The following METTL6 variants were observed in gnomAD, a reference collection of about 807,000 sequenced individuals.
The protein encoded by METTL6 is methyltransferase 6, tRNA N3-cytidine, also known as tRNA N(3)-cytidine methyltransferase METTL6.
In METTL6, 22 loss-of-function variants were observed where a neutral mutation model predicts 26.4. The observed-to-expected ratio is 0.83, with a 90% CI of 0.59 to 1.19. METTL6 has a LOEUF of 1.19. Among genes scored for constraint, METTL6 ranks in the 50% most tolerant of loss-of-function variants. The pLI is 0.00. For missense variants in METTL6, 304 were observed against 324.8 expected (o/e 0.94, Z 0.49); for synonymous variants, 109 against 116.2 (o/e 0.94, Z 0.40).
downstream of METTL6, among the ~76,000 whole-genome samples, chr3:15,406,587 TA>T (rs1203591344): frequency 0.016 from 48 of 3,020 alleles, 1 homozygote; most frequent in Non-Finnish European, 0.027. Context: ...AACAAACAGT[TA>T]TATATATATA....
rs1198753880 is a variant in METTL6, at chr3:15,415,840, TAAC to T, written c.460_462del (p.Val154del). 1.1e-5 allele frequency: 18 copies of T among 1,614,056 alleles called. No individual in the cohort carries two copies. The highest frequency in any genetic ancestry group is 1.4e-5 in the Non-Finnish European group (17 of 1,180,044). On this transcript the variant is annotated inframe_deletion, in exon 4 of 6. Coordinates refer to ENST00000383790, the MANE Select transcript of METTL6 (RefSeq NM_152396.4). Reference sequence around the variant, plus strand: ...ACAGCTGACAGCACAAATATCAACATAACAACATCCACAGACTCTGGCGGTACA... The same window carrying T: ...ACAGCTGACAGCACAAATATCAACATAACATCCACAGACTCTGGCGGTACA...
intron 6 of METTL6, among the ~76,000 whole-genome samples, chr3:15,386,362 G>A (rs750614531): frequency 3.3e-5 from 5 of 152,186 alleles, no homozygotes; most frequent in Non-Finnish European, 7.3e-5. Flanking sequence ...AGGGGCAGAA[G>A]CAGGTTTAAG....
chr3:15,398,197 A>ATT (rs113613716), intron 6 of METTL6, among the ~76,000 whole-genome samples: 17 of 146,394 alleles, frequency 1.2e-4, no homozygotes, highest in South Asian at 2.2e-4. Flanking sequence ...CAATGCTGAG[A>ATT]TTTTTTTTTT....
rs757919716 is a variant in METTL6, at chr3:15,424,991, G to A, written c.324C>T (p.Ala108=). 6.2e-7 allele frequency: 1 copy of A among 1,614,172 alleles called. No homozygotes were observed. Among genetic ancestry groups the A allele is most frequent in the South Asian group, 1.1e-5 (1 of 91,078 alleles). ...CAATGGCTCTTGGAGAAAAATCACA[G>A]GCATAGGCAAAGATATTCGGATCTT... is the stretch of plus-strand genomic sequence containing the variant. ...LEEDPNIFAY[A]CDFSPRAIEY... The change falls in exon 3 of 6, where the codon GCC becomes GCT. Residue 108 remains alanine, a synonymous_variant. Transcript: ENST00000383790.
At chr3:15,421,643 C>T (rs2061613777) in intron 3 of METTL6, among the ~76,000 whole-genome samples, 1 of 152,116 alleles carries the variant, frequency 6.6e-6, no homozygotes, top group South Asian at 2.1e-4. Flanking sequence ...TGGCCAGGTG[C>T]GGTGGCTTAT....
intron 3 of METTL6, among the ~76,000 whole-genome samples, chr3:15,420,011 G>A (rs190564218): frequency 2.6e-5 from 4 of 151,926 alleles, no homozygotes; most frequent in Admixed American, 2.0e-4. Flanking sequence ...ACAGGCGCCC[G>A]CCACCATGCC....
intron 3 of METTL6, among the ~76,000 whole-genome samples, chr3:15,422,667 A>G (rs1351588217): frequency 6.6e-6 from 1 of 152,148 alleles, no homozygotes; most frequent in African/African-American, 2.4e-5. Flanking sequence ...AAAAAGTTTA[A>G]ATTTTAAAAA....
intron 4 of METTL6, chr3:15,415,043 A>AAAACAAACAAAC (rs35827445): frequency 9.2e-6 from 7 of 759,120 alleles, no homozygotes; most frequent in East Asian, 1.0e-4. Flanking sequence ...GTCTCTTAAA[A>AAAACAAACAAAC]AAACAAACAA....
chr3:15,387,900 C>T (rs1052244211), intron 6 of METTL6, among the ~76,000 whole-genome samples: 3 of 151,624 alleles, frequency 2.0e-5, no homozygotes, highest in African/African-American at 7.3e-5. Context: ...GCAGCCTTGA[C>T]CTACTGGGCT....
intron 6 of METTL6, among the ~76,000 whole-genome samples, chr3:15,400,825 C>A (rs1699619886): frequency 6.6e-6 from 1 of 152,106 alleles, no homozygotes. Flanking sequence ...GAAGTTTTTT[C>A]CCCCATATAG....
At chr3:15,389,896 C>A (rs6807874) in intron 6 of METTL6, among the ~76,000 whole-genome samples, 10,755 of 148,484 alleles carry the variant, frequency 0.072, 482 homozygotes, top group African/African-American at 0.12. Context: ...TACTCTGTCA[C>A]CCAGGCTAGA....
chr3:15,392,445 TTGCC>T (rs879805232), intron 6 of METTL6, among the ~76,000 whole-genome samples: 64 of 152,310 alleles, frequency 4.2e-4, no homozygotes, highest in Non-Finnish European at 8.5e-4. Flanking sequence ...ATTCTGTAGG[TTGCC>T]TGTTCACTCT....
At chr3:15,396,077 T>A (rs1341494062) in intron 6 of METTL6, among the ~76,000 whole-genome samples, 1 of 152,222 alleles carries the variant, frequency 6.6e-6, no homozygotes, top group Non-Finnish European at 1.5e-5. Context: ...CTGGATAATA[T>A]CCTGCAGAGT....
intron 4 of METTL6, chr3:15,414,748 C>T: frequency 2.4e-6 from 1 of 420,194 alleles, no homozygotes; most frequent in Non-Finnish European, 4.7e-6. Context: ...TATAGTGAGA[C>T]CCCATCTCTA....
At chr3:15,398,585 C>T (rs1333978593) in intron 6 of METTL6, among the ~76,000 whole-genome samples, 2 of 152,184 alleles carry the variant, frequency 1.3e-5, no homozygotes, top group Non-Finnish European at 2.9e-5. Context: ...CCATGGCTCA[C>T]ACCTGTAATC....
intron 3 of METTL6, among the ~76,000 whole-genome samples, chr3:15,416,723 T>C (rs1017342291): frequency 3.9e-5 from 6 of 152,232 alleles, no homozygotes; most frequent in Admixed American, 1.3e-4. Context: ...TACAAATGTG[T>C]TCCTGGTACA....
downstream of METTL6, among the ~76,000 whole-genome samples, chr3:15,405,189 T>C (rs1470768937): frequency 6.6e-6 from 1 of 152,216 alleles, no homozygotes; most frequent in Non-Finnish European, 1.5e-5. Context: ...GGACCCTTCA[T>C]TGGTGTCCAG....
At chr3:15,407,105 C>A (rs1011550020), downstream of METTL6, among the ~76,000 whole-genome samples, 4 of 152,146 alleles carry the variant, frequency 2.6e-5, no homozygotes, top group Non-Finnish European at 2.9e-5. Context: ...CAACCTCCAC[C>A]TCCCGGGTTC....
In METTL6 at chr3:15,411,230, G is replaced by A. The variant is rs1699951378; in HGVS notation, c.*26C>T. 6.3e-7 allele frequency: 1 copy of A among 1,588,988 alleles called. No homozygotes were observed. Among genetic ancestry groups the A allele is most frequent in the Non-Finnish European group, 8.5e-7 (1 of 1,170,254 alleles). ...TTTTAAATTTTCCTCTTCAAGGGAA[G>A]GTATAAATGCCAACCTCATGAAAGG... is the stretch of plus-strand genomic sequence containing the variant. On this transcript the variant is annotated 3_prime_UTR_variant, in exon 6 of 6. Transcript: ENST00000383790.
Sources: allele counts gnomAD v4.1 joint callset (sites outside exome capture counted in the v4.1 genomes callset), GRCh38; gene constraint gnomAD v4.1.1; transcripts MANE v1.5; gene names NCBI Gene and HGNC (gene_info 2026-07-23, HGNC 2026-07-21).